Variants in STARD13 observed in about 807,000 individuals in gnomAD.
The protein encoded by STARD13 is stAR-related lipid transfer protein 13.
In STARD13, 62 loss-of-function variants were observed where a neutral mutation model predicts 106.4. The observed-to-expected ratio is 0.58, with a 90% CI of 0.48 to 0.72. The LOEUF is 0.72. STARD13 is among the 30% of genes least tolerant of loss of function. The pLI is 0.00. For synonymous variants in STARD13, 565 were observed against 553.0 expected (o/e 1.02, Z -0.31); for missense variants, 1,387 against 1,424.0 (o/e 0.97, Z 0.42).
chr13:33,122,694 G>A (rs1876525925), intron 7 of STARD13, among the ~76,000 whole-genome samples: 1 of 152,160 alleles, frequency 6.6e-6, no homozygotes, highest in African/African-American at 2.4e-5. Context: ...CGAGTGATGA[G>A]TGTCCCCTTG....
the STARD13 span, among the ~76,000 whole-genome samples, chr13:33,434,791 C>A: frequency 1.3e-5 from 2 of 151,962 alleles, no homozygotes; most frequent in Non-Finnish European, 2.9e-5. Context: ...TTTTGAGCAC[C>A]TGTTGTATGG....
At chr13:33,437,504 A>G in the STARD13 span, among the ~76,000 whole-genome samples, 1 of 152,176 alleles carries the variant, frequency 6.6e-6, no homozygotes. Flanking sequence ...AAGCTCTTGG[A>G]CATTCCAATC....
the STARD13 span, among the ~76,000 whole-genome samples, chr13:33,673,918 T>C: frequency 6.6e-6 from 1 of 151,426 alleles, no homozygotes; most frequent in Non-Finnish European, 1.5e-5. Context: ...TGGAGTGCAG[T>C]GGTGCGATCT....
At chr13:33,566,348 C>A in the STARD13 span, among the ~76,000 whole-genome samples, 1 of 147,924 alleles carries the variant, frequency 6.8e-6, no homozygotes. Flanking sequence ...GTACTATCTG[C>A]GGTTTCAGGC....
chr13:33,303,495 T>C (rs1017068337), intron 1 of STARD13, among the ~76,000 whole-genome samples: 1 of 152,192 alleles, frequency 6.6e-6, no homozygotes, highest in African/African-American at 2.4e-5. Flanking sequence ...ATACCTTGCA[T>C]TATACAGAGA....
At chr13:33,177,045 C>A (rs1884590769) in intron 1 of STARD13, among the ~76,000 whole-genome samples, 1 of 152,136 alleles carries the variant, frequency 6.6e-6, no homozygotes, top group Non-Finnish European at 1.5e-5. Context: ...AGCAGAAGTA[C>A]ATGCTATGTA....
chr13:33,659,190 C>T, the STARD13 span, among the ~76,000 whole-genome samples: 1 of 149,904 alleles, frequency 6.7e-6, no homozygotes, highest in African/African-American at 2.5e-5. Flanking sequence ...GCCTGTTGGT[C>T]AGAAGCACAG....
the STARD13 span, among the ~76,000 whole-genome samples, chr13:33,659,213 G>A: frequency 9.2e-4 from 68 of 73,936 alleles, 1 homozygote; most frequent in Non-Finnish European, 1.9e-4. Context: ...CACAACCTGG[G>A]TTTTTTCTTT....
Position 33,121,584 on chromosome 13 carries a change from AG to A in STARD13, c.2083-3322del, listed in dbSNP as rs1198809389. ...CTCCACCTCAAAAAAAAAAAAAAAA[AG>A]TTTCCAAAGCAAGGATTTGATCTGA... On this transcript the variant is annotated intron_variant, in intron 7 of 13. Coordinates refer to ENST00000336934, the MANE Select transcript of STARD13 (RefSeq NM_178006.4). Among the ~76,000 whole-genome samples the A allele has an allele frequency of 4.6e-5, 7 of 151,454 alleles. No homozygotes were observed. In the East Asian group the frequency reaches 1.2e-3, roughly 25 times the overall value.
At chr13:33,193,121 A>G (rs1346265118) in intron 1 of STARD13, among the ~76,000 whole-genome samples, 3 of 152,232 alleles carry the variant, frequency 2.0e-5, no homozygotes, top group Admixed American at 6.5e-5. Flanking sequence ...TTATAAATAA[A>G]AATGCAACTG....
the STARD13 span, among the ~76,000 whole-genome samples, chr13:33,635,088 G>T: frequency 6.6e-6 from 1 of 152,178 alleles, no homozygotes; most frequent in Admixed American, 6.5e-5. Context: ...AGTGGATATG[G>T]ATCGCTTACG....
chr13:33,143,419 C>T (rs1363970462), intron 3 of STARD13, among the ~76,000 whole-genome samples: 2 of 152,150 alleles, frequency 1.3e-5, no homozygotes, highest in East Asian at 1.9e-4. Flanking sequence ...TTCAACACAA[C>T]GTTTGTGAGA....
the STARD13 span, among the ~76,000 whole-genome samples, chr13:33,400,639 A>G: frequency 6.6e-6 from 1 of 151,272 alleles, no homozygotes; most frequent in Non-Finnish European, 1.5e-5. Context: ...TTTTTTTTGT[A>G]TTTTTACTAG....
At chr13:33,362,678 T>G in the STARD13 span, among the ~76,000 whole-genome samples, 1 of 152,224 alleles carries the variant, frequency 6.6e-6, no homozygotes, top group South Asian at 2.1e-4. Context: ...TTCTTAACTT[T>G]TAGGTCTTAG....
At chr13:33,561,723 A>T in the STARD13 span, among the ~76,000 whole-genome samples, 1 of 146,114 alleles carries the variant, frequency 6.8e-6, no homozygotes. Context: ...CAATCCAGAG[A>T]TATAAAAAAT....
chr13:33,284,191 C>T (rs1183564874), intron 1 of STARD13, among the ~76,000 whole-genome samples: 1 of 152,192 alleles, frequency 6.6e-6, no homozygotes, highest in Non-Finnish European at 1.5e-5. Flanking sequence ...ACATAATATC[C>T]TTCCTGAAAT....
the STARD13 span, among the ~76,000 whole-genome samples, chr13:33,460,729 C>A: frequency 1.3e-5 from 2 of 151,150 alleles, no homozygotes; most frequent in Admixed American, 6.6e-5. Flanking sequence ...GTAGAATCAA[C>A]TCAAAAAAAA....
the STARD13 span, among the ~76,000 whole-genome samples, chr13:33,371,215 G>T: frequency 6.6e-6 from 1 of 152,216 alleles, no homozygotes; most frequent in African/African-American, 2.4e-5. Flanking sequence ...TCTAGAAGAG[G>T]TCAGCACTTG....
At chr13:33,563,355 A>T in the STARD13 span, among the ~76,000 whole-genome samples, 2 of 147,240 alleles carry the variant, frequency 1.4e-5, 1 homozygote, top group Non-Finnish European at 3.0e-5. Flanking sequence ...TAACCAAATC[A>T]GCATGGTAGT....
Sources: gnomAD v4.1 joint callset for allele counts (sites outside exome capture counted in the v4.1 genomes callset) on GRCh38, gnomAD v4.1.1 for gene constraint, MANE v1.5 for transcripts, NCBI Gene and HGNC (gene_info 2026-07-23, HGNC 2026-07-21) for gene names.